Variants in BRD7 observed in about 807,000 individuals in gnomAD.
BRD7 encodes the protein bromodomain containing 7.
In BRD7, 15 loss-of-function variants were observed where a neutral mutation model predicts 82.1. The observed-to-expected ratio is 0.18, with a 90% CI of 0.12 to 0.28. The LOEUF (loss-of-function observed/expected upper bound fraction) is 0.28, where lower values mean the gene tolerates loss of function less well. Among genes scored for constraint, BRD7 ranks in the 10% least tolerant of loss-of-function variants. The pLI is 1.00. For missense variants in BRD7, 638 were observed against 779.9 expected (o/e 0.82, Z 2.17); for synonymous variants, 232 against 266.9 (o/e 0.87, Z 1.27).
At position 50,326,346 on chromosome 16, in the gene BRD7, A is replaced by T; in HGVS notation, c.1133T>A (p.Leu378His). ...CTGCAAAGTATTCACTCCAGACTGA[A>T]GTCTTCCAGTTGTCATTCCCAGTCT... ...PVRLGMTTGR[L>H]QSGVNTLQGF... Residue 378 changes from leucine (L) to histidine (H), a missense_variant, in exon 10 of 17, where the codon CTT (leucine) becomes CAT (histidine). Leu to His is a moderately conservative substitution (Grantham distance 99). Coordinates refer to ENST00000394688, the MANE Select transcript of BRD7 (RefSeq NM_013263.5). 6.2e-7 allele frequency: 1 copy of T among 1,602,456 alleles called. No individual in the cohort carries two copies. The highest frequency in any genetic ancestry group is 8.5e-7 in the Non-Finnish European group (1 of 1,171,732).
At chr16:50,357,362 T>C (rs2038776000) in intron 2 of BRD7, among the ~76,000 whole-genome samples, 1 of 152,234 alleles carries the variant, frequency 6.6e-6, no homozygotes, top group East Asian at 1.9e-4. Context: ...AGTTATAAAC[T>C]GAACTCATGC....
chr16:50,328,353 C>A (rs1389153477), intron 9 of BRD7, among the ~76,000 whole-genome samples: 2 of 152,180 alleles, frequency 1.3e-5, no homozygotes, highest in African/African-American at 2.4e-5. Context: ...TACCTCTAAA[C>A]TGAGTGTCTA....
intron 2 of BRD7, among the ~76,000 whole-genome samples, chr16:50,357,637 C>G (rs937383812): frequency 2.6e-5 from 4 of 152,092 alleles, no homozygotes; most frequent in African/African-American, 4.8e-5. Flanking sequence ...AAAACTCATC[C>G]AGTGCCAGTG....
At chr16:50,341,783 A>C (rs1240870196) in intron 5 of BRD7, among the ~76,000 whole-genome samples, 1 of 151,872 alleles carries the variant, frequency 6.6e-6, no homozygotes, top group Non-Finnish European at 1.5e-5. Context: ...AACTGGCAAG[A>C]GTACTGAATT....
At position 50,325,830 on chromosome 16, in the gene BRD7, T is replaced by A. The variant is rs2037314632; in HGVS notation, c.1249A>T (p.Thr417Ser). 6.2e-7 allele frequency: 1 copy of A among 1,612,740 alleles called. No individual in the cohort carries two copies. The highest frequency in any genetic ancestry group is 8.5e-7 in the Non-Finnish European group (1 of 1,179,602). Residue 417 changes from threonine (T) to serine (S), a missense_variant, in exon 11 of 17, where the codon ACA becomes TCA. Coordinates refer to ENST00000394688, the MANE Select transcript of BRD7 (RefSeq NM_013263.5). Reference protein sequence around the residue: ...YSSYAPHYDSTFANISKDDSD... With the variant: ...YSSYAPHYDSSFANISKDDSD... ...TCATCCTTGCTGATATTTGCAAATG[T>A]GGAGTCATAATGCGGTGCATAAGAA...
rs758480177 is a variant in BRD7, at chr16:50,322,067, A to C, written c.1444-29T>G. On this transcript the variant is annotated intron_variant, in intron 12 of 16. Transcript: ENST00000394688. ...TAAGGATGAAGAAAAACAGCTTTTTAGGAAAACACATGAAGGCGAATATCA... is the reference window on the plus strand; with the variant it reads ...TAAGGATGAAGAAAAACAGCTTTTTCGGAAAACACATGAAGGCGAATATCA... 8.3e-6 allele frequency: 13 copies of C among 1,558,600 alleles called. No homozygotes were observed. The South Asian group carries it at 1.6e-4, about 19-fold the overall frequency.
intron 1 of BRD7, 177 bp from the exon 2 acceptor site, chr16:50,368,475 C>T (rs1294592641): frequency 3.7e-6 from 3 of 803,580 alleles, no homozygotes; most frequent in Admixed American, 5.9e-5. Flanking sequence ...CCGCCCGCCC[C>T]GAACGCTCCC....
At chr16:50,334,655 C>G in intron 7 of BRD7, 56 bp downstream of exon 7, 1 of 1,570,908 alleles carries the variant, frequency 6.4e-7, no homozygotes, top group Middle Eastern at 1.8e-4. Flanking sequence ...AAGTATTTTT[C>G]CCCCTTACTA....
At chr16:50,343,706 A>T (rs1289002093) in intron 5 of BRD7, among the ~76,000 whole-genome samples, 1 of 152,220 alleles carries the variant, frequency 6.6e-6, no homozygotes, top group Non-Finnish European at 1.5e-5. Flanking sequence ...ACTCACTGTT[A>T]GCACAGCAGT....
At chr16:50,321,859 C>G in intron 13 of BRD7, 123 bp downstream of exon 13, 1 of 828,050 alleles carries the variant, frequency 1.2e-6, no homozygotes, top group South Asian at 1.6e-5. Flanking sequence ...TCAGCTAGGC[C>G]CTCACAACTC....
intron 5 of BRD7, chr16:50,349,405 TA>T (rs1346396158): frequency 3.4e-5 from 12 of 351,636 alleles, no homozygotes; most frequent in South Asian, 1.6e-4. Flanking sequence ...AAAAAAAAAT[TA>T]AAAAAATGTA....
chr16:50,326,097 A>T (rs1041001328), intron 10 of BRD7, among the ~76,000 whole-genome samples, 187 bp downstream of exon 10: 1 of 152,230 alleles, frequency 6.6e-6, no homozygotes, highest in Non-Finnish European at 1.5e-5. Flanking sequence ...GAAAGAACAA[A>T]ATTCATTTTG....
rs781281001 is a variant in BRD7 at position 50,319,228 on chromosome 16, C to T, written c.1939G>A (p.Gly647Arg). ...AGGCAGCCTCAACTTCCACCAGGTC[C>T]ACACTCAGCAACATCCGTCTTTTTA... ...EPKKTDVAEC[G>R]PGGS The change falls in exon 17 of 17, where the codon GGA (glycine) becomes AGA (arginine). Residue 647 changes from glycine to arginine, a missense_variant. Gly to Arg is a moderately radical substitution (Grantham distance 125). This residue lies in a region of BRD7 where 402 missense variants were observed against 500.8 expected (regional missense o/e 0.80). Coordinates refer to ENST00000394688, the MANE Select transcript of BRD7 (RefSeq NM_013263.5). 1.2e-5 allele frequency: 20 copies of T among 1,613,072 alleles called. No homozygotes were observed. Among genetic ancestry groups the T allele is most frequent in the Non-Finnish European group, 1.7e-5 (20 of 1,179,644 alleles).
intron 4 of BRD7, among the ~76,000 whole-genome samples, chr16:50,353,428 A>G (rs2038613201): frequency 6.6e-6 from 1 of 152,140 alleles, no homozygotes; most frequent in Non-Finnish European, 1.5e-5. Context: ...GAGAAAAATT[A>G]TTTACAATGT....
intron 2 of BRD7, 83 bp downstream of exon 2, chr16:50,368,007 C>G (rs1357567165): frequency 7.1e-7 from 1 of 1,406,768 alleles, no homozygotes; most frequent in Non-Finnish European, 1.0e-6. Context: ...TTGTTTTCCC[C>G]AGATACAAAG....
At position 50,364,573 on chromosome 16, in the gene BRD7, C is replaced by A. The variant is rs141834288; in HGVS notation, c.258+3517G>T. Among the ~76,000 whole-genome samples the A allele has an allele frequency of 5.0e-3, 763 of 152,222 alleles. 3 individuals are homozygous for A. The highest frequency in any genetic ancestry group is 0.017 in the African/African-American group (720 of 41,528). Reference sequence around the variant, plus strand: ...TCCAGAAGAGACTGTGGATATGAACCCATTTTAGGTTGCAATGACATCAAA... The same window carrying A: ...TCCAGAAGAGACTGTGGATATGAACACATTTTAGGTTGCAATGACATCAAA... On this transcript the variant is annotated intron_variant, in intron 2 of 16. Coordinates refer to ENST00000394688, the MANE Select transcript of BRD7 (RefSeq NM_013263.5).
chr16:50,351,697 C>T (rs930069674), intron 4 of BRD7, among the ~76,000 whole-genome samples: 7 of 152,146 alleles, frequency 4.6e-5, no homozygotes, highest in African/African-American at 1.7e-4. Context: ...CTAAGAAATA[C>T]TTCCTGAAGT....
intron 13 of BRD7, among the ~76,000 whole-genome samples, chr16:50,321,336 G>A (rs144212641): frequency 1.3e-5 from 2 of 152,154 alleles, no homozygotes; most frequent in Admixed American, 6.5e-5. Flanking sequence ...CGAGGTGGGC[G>A]GATCACCTGA....
chr16:50,367,084 C>G (rs557874717), intron 2 of BRD7, among the ~76,000 whole-genome samples: 1 of 152,266 alleles, frequency 6.6e-6, no homozygotes, highest in African/African-American at 2.4e-5. Flanking sequence ...TGTTCAATCA[C>G]ATGGAAGAGA....
Sources: allele counts gnomAD v4.1 joint callset (sites outside exome capture counted in the v4.1 genomes callset), GRCh38; gene constraint gnomAD v4.1.1; regional missense constraint gnomAD v4.1.1; transcripts MANE v1.5; gene names NCBI Gene and HGNC (gene_info 2026-07-23, HGNC 2026-07-21).